Variants in CCDC18 observed in about 807,000 individuals in gnomAD.
CCDC18 encodes the protein coiled-coil domain-containing protein 18.
A neutral mutation model predicts 196.0 loss-of-function variants in CCDC18; 157 were observed. The observed-to-expected ratio is 0.80, with a 90% CI of 0.70 to 0.91. The LOEUF is 0.91. Ranked by LOEUF, CCDC18 falls within the 40% of genes least tolerant of loss-of-function variation. CCDC18 has a pLI of 0.00. For missense variants in CCDC18, 1,465 were observed against 1,611.6 expected, an observed-to-expected ratio of 0.91 and a Z score of 1.56; for synonymous variants, 482 against 529.2, an observed-to-expected ratio of 0.91 and a Z score of 1.22.
chr1:93,246,244 T>C (rs1192765385), intron 22 of CCDC18, 40 bp downstream of exon 22: 2 of 1,417,462 alleles, frequency 1.4e-6, no homozygotes, highest in Middle Eastern at 1.8e-4. Context: ...AGTTTTCTGT[T>C]ATGACACAGT....
intron 17 of CCDC18, among the ~76,000 whole-genome samples, chr1:93,229,183 G>T (rs1006450345): frequency 2.0e-5 from 3 of 152,178 alleles, no homozygotes; most frequent in African/African-American, 7.2e-5. Context: ...CCAGACTAGG[G>T]AGTAAGTAAA....
intron 4 of CCDC18, among the ~76,000 whole-genome samples, chr1:93,188,480 C>T (rs919782611): frequency 2.0e-5 from 3 of 152,154 alleles, no homozygotes; most frequent in Non-Finnish European, 4.4e-5. Flanking sequence ...ACTTCCTTGC[C>T]TGCCTGAAAA....
intron 6 of CCDC18, among the ~76,000 whole-genome samples, chr1:93,195,980 TA>T (rs1340344381): frequency 1.3e-5 from 2 of 152,174 alleles, no homozygotes; most frequent in Non-Finnish European, 2.9e-5. Context: ...AGAGATTGTT[TA>T]GCTTTATGCT....
chr1:93,247,590 A>G (rs930598281), intron 23 of CCDC18, among the ~76,000 whole-genome samples: 9 of 151,470 alleles, frequency 5.9e-5, no homozygotes, highest in African/African-American at 2.2e-4. Context: ...TAATTTTTTA[A>G]TTTTTTGTAG....
At chr1:93,267,029 G>A (rs933710377) in intron 27 of CCDC18, among the ~76,000 whole-genome samples, 2 of 152,060 alleles carry the variant, frequency 1.3e-5, no homozygotes, top group African/African-American at 4.8e-5. Flanking sequence ...GATGAACATC[G>A]ATGCAAAAAT....
chr1:93,248,009 C>CTTTTTTTTTTTTTT (rs71586785), intron 23 of CCDC18, among the ~76,000 whole-genome samples: 2 of 69,780 alleles, frequency 2.9e-5, no homozygotes, highest in Admixed American at 1.9e-4. Context: ...TATTTTCCTT[C>CTTTTTTTTTTTTTT]TTTTTTTTTT....
At chr1:93,193,480 T>C (rs1652180543) in intron 5 of CCDC18, 136 bp from the exon 6 acceptor site, 2 of 534,406 alleles carry the variant, frequency 3.7e-6, no homozygotes, top group Non-Finnish European at 3.1e-6. Flanking sequence ...AATATGCCTT[T>C]TTCTCTATCT....
chr1:93,277,339 C>T (rs1665671082), intron 28 of CCDC18, among the ~76,000 whole-genome samples: 2 of 51,934 alleles, frequency 3.9e-5, no homozygotes, highest in African/African-American at 4.1e-4. Flanking sequence ...TTACGGGTGT[C>T]GGGCTGGGGG....
chr1:93,230,076 A>G (rs893005801), intron 17 of CCDC18, among the ~76,000 whole-genome samples: 4 of 151,946 alleles, frequency 2.6e-5, no homozygotes, highest in African/African-American at 9.7e-5. Context: ...GTTAAGTGTA[A>G]GGTAGATTTT....
chr1:93,262,649 A>T (rs1281486719), intron 26 of CCDC18, among the ~76,000 whole-genome samples: 1 of 152,142 alleles, frequency 6.6e-6, no homozygotes, highest in Non-Finnish European at 1.5e-5. Context: ...GGCTGTTTTC[A>T]TGGGCTGGCG....
rs1378286431 is a variant in CCDC18, at chr1:93,264,738, T to C, written c.3722T>C (p.Ile1241Thr). 6.2e-7 allele frequency: 1 copy of C among 1,613,256 alleles called. No homozygotes were observed. The highest frequency in any genetic ancestry group is 1.1e-5 in the South Asian group (1 of 91,046). Residue 1241 changes from isoleucine to threonine, a missense_variant, in exon 27 of 29, where the codon ATT becomes ACT. By Grantham distance (89) the Ile-to-Thr change is moderately conservative. Transcript: ENST00000690025. ...CAAGAGAACCATGCAAAGTGGAAGA[T>C]TTCTGCTGACTCTCAAAAGTCTTCT... The part of the protein sequence containing the change: ...SHQENHAKWK[I>T]SADSQKSSVQ...
At chr1:93,190,211 C>T (rs1454674300) in intron 4 of CCDC18, among the ~76,000 whole-genome samples, 4 of 152,064 alleles carry the variant, frequency 2.6e-5, no homozygotes, top group African/African-American at 7.2e-5. Flanking sequence ...GCTTTTGGGC[C>T]GGGCACGGCG....
chr1:93,180,837 A>T lies in CCDC18; in HGVS notation c.-18A>T, dbSNP rs1649469702. 1 of 1,367,570 alleles carries T rather than the reference A, an allele frequency of 7.3e-7. No individual in the cohort carries two copies. The highest frequency in any genetic ancestry group is 9.8e-7 in the Non-Finnish European group (1 of 1,022,010). The allele number at this position is 1,367,570 out of a possible 1,614,324, so 84.7% of individuals were successfully genotyped here. On this transcript the variant is annotated 5_prime_UTR_variant, in exon 1 of 29. In the 5' UTR this introduces an upstream ATG that the reference lacks. Transcript: ENST00000690025. ...CTTCCTAACGCAGACTCGAGTGCGA[A>T]GCGCGCAGTCGCCGGGTGGGTCTCT...
chr1:93,180,522 C>A, upstream of CCDC18: 1 of 1,528,472 alleles, frequency 6.5e-7, no homozygotes, highest in Admixed American at 1.9e-5. Context: ...CTGACGGCCT[C>A]CGGTTCCCAT....
chr1:93,221,798 C>G, intron 15 of CCDC18, 55 bp downstream of exon 15: 2 of 1,591,568 alleles, frequency 1.3e-6, no homozygotes, highest in Non-Finnish European at 1.7e-6. Context: ...TTTTATGTCT[C>G]TATAACTTGC....
intron 5 of CCDC18, among the ~76,000 whole-genome samples, chr1:93,192,546 C>G (rs572677999): frequency 6.6e-6 from 1 of 152,212 alleles, no homozygotes; most frequent in East Asian, 1.9e-4. Context: ...ATCATTCTGC[C>G]TCAGCCTCCC....
chr1:93,239,341 G>C lies in CCDC18; in HGVS notation c.2635G>C (p.Glu879Gln). The C allele has an allele frequency of 6.2e-7, 1 of 1,612,730 alleles. No individual in the cohort carries two copies. Reference protein sequence around the residue: ...QVKIEMDQYKEELSKMEKEIM... With the variant: ...QVKIEMDQYKQELSKMEKEIM... ...AAAGATTGAGATGGATCAGTACAAA[G>C]AAGAGCTGTCTAAAATGGAAAAGGA... Residue 879 changes from glutamate (E) to glutamine (Q), a missense_variant, in exon 20 of 29, where the codon GAA becomes CAA. By Grantham distance (29) the Glu-to-Gln change is conservative (BLOSUM62 2). Coordinates refer to ENST00000690025, the MANE Select transcript of CCDC18 (RefSeq NM_001378204.1).
rs780109719 is a variant in CCDC18 at position 93,246,186 on chromosome 1, A to G, written c.3063A>G (p.Leu1021=). The G allele has an allele frequency of 1.2e-6, 2 of 1,605,298 alleles. No homozygotes were observed. The highest frequency in any genetic ancestry group is 3.4e-5 in the Admixed American group (2 of 58,770). Residue 1021 remains leucine (L), a synonymous_variant, in exon 22 of 29, where the codon CTA becomes CTG. Transcript: ENST00000690025. ...CACTTAAAGAGAGAAATTGGGAACT[A>G]AAGCAAAGAGCAGCTCAGGTTGATT... The part of the protein sequence containing the change: ...DQALKERNWE[L]KQRAAQVTHL...
At chr1:93,257,242 AAAAAAAAAAAAAAAAAAC>A (rs898535415) in intron 25 of CCDC18, among the ~76,000 whole-genome samples, 5 of 117,794 alleles carry the variant, frequency 4.2e-5, no homozygotes, top group African/African-American at 1.5e-4. Context: ...AAAAAAAAAA[AAAAAAAAAAAAAAAAAAC>A]ATGAAAACTA....
Sources: allele counts gnomAD v4.1 joint callset (sites outside exome capture counted in the v4.1 genomes callset), GRCh38; gene constraint gnomAD v4.1.1; transcripts MANE v1.5; gene names NCBI Gene and HGNC (gene_info 2026-07-23, HGNC 2026-07-21).